The following PADI1 variants were observed in gnomAD, a reference collection of about 807,000 sequenced individuals.
The protein encoded by PADI1 is protein-arginine deiminase type-1.
In PADI1, 65 loss-of-function variants were observed where a neutral mutation model predicts 74.8. The ratio of observed to expected loss-of-function variants is 0.87; its 90% confidence interval spans 0.71 to 1.07. PADI1 has a LOEUF of 1.07. Among genes scored for constraint, PADI1 ranks in the 50% least tolerant of loss-of-function variants. The probability of loss-of-function intolerance (pLI) is 0.00; values close to 1 mark genes in which losing one functional copy is unlikely to be tolerated. For missense variants in PADI1, 943 were observed against 854.0 expected, an observed-to-expected ratio of 1.10 and a Z score of -1.30; for synonymous variants, 371 against 336.2, an observed-to-expected ratio of 1.10 and a Z score of -1.13.
chr1:17,223,877 T>C (rs1463205089), intron 3 of PADI1, among the ~76,000 whole-genome samples, 184 bp downstream of exon 3: 1 of 152,146 alleles, frequency 6.6e-6, no homozygotes, highest in Non-Finnish European at 1.5e-5. Context: ...CAGCAGTCCT[T>C]AGGACCACAA....
intron 1 of PADI1, among the ~76,000 whole-genome samples, chr1:17,214,185 G>A (rs958391953): frequency 6.6e-5 from 10 of 152,228 alleles, no homozygotes; most frequent in Admixed American, 4.6e-4. Flanking sequence ...AGTCTAGGAA[G>A]TAGCTCTTGG....
At chr1:17,237,279 A>T in intron 11 of PADI1, 35 bp from the exon 12 acceptor site, 5 of 1,575,312 alleles carry the variant, frequency 3.2e-6, no homozygotes, top group Non-Finnish European at 4.3e-6. Flanking sequence ...CCTCTCAGGC[A>T]CAAGGTGACT....
At position 17,230,570 on chromosome 1, in the gene PADI1, A is replaced by G. The variant is rs747227898; in HGVS notation, c.1054-2A>G. 1.0e-5 allele frequency: 16 copies of G among 1,599,878 alleles called. No individual in the cohort carries two copies. ...GTGGCTTTTTCATCTCTCCCCTCCC[A>G]GGACGAGATGGAGTTTGGCTACATC... is the stretch of plus-strand genomic sequence containing the variant. On this transcript the variant is annotated splice_acceptor_variant, in intron 9 of 15. Coordinates refer to ENST00000375471, the MANE Select transcript of PADI1 (RefSeq NM_013358.3). LOFTEE classifies it high-confidence loss of function.
chr1:17,227,358 G>C (rs182071345), intron 6 of PADI1, among the ~76,000 whole-genome samples: 128 of 151,462 alleles, frequency 8.5e-4, no homozygotes, highest in Non-Finnish European at 1.4e-3. Flanking sequence ...GACCAGCCTG[G>C]GCAACATGGC....
At chr1:17,240,805 C>A in intron 15 of PADI1, 45 bp downstream of exon 15, 1 of 1,597,198 alleles carries the variant, frequency 6.3e-7, no homozygotes, top group South Asian at 1.1e-5. Flanking sequence ...CTGCGGGGCT[C>A]TGAGAAGAAG....
rs201632223 is a variant in PADI1, at chr1:17,238,651, C to T, written c.1494C>T (p.Cys498=). ...FRLLLASPSA[C]LKLFQEKKEE... ...TGCTCCTGGCTAGCCCCAGCGCTTG[C>T]CTCAAACTCTTCCAAGAGAAGAAAG... The change falls in exon 13 of 16, where the codon TGC becomes TGT. Residue 498 remains cysteine (C), a synonymous_variant. Coordinates refer to ENST00000375471, the MANE Select transcript of PADI1 (RefSeq NM_013358.3). The T allele has an allele frequency of 2.1e-4, 321 of 1,554,364 alleles. 2 individuals carry two copies. In the East Asian group the frequency reaches 4.6e-3, roughly 22 times the overall value.
intron 11 of PADI1, 44 bp from the exon 12 acceptor site, chr1:17,237,270 C>T: frequency 6.4e-7 from 1 of 1,559,710 alleles, no homozygotes; most frequent in Non-Finnish European, 8.7e-7. Context: ...GGCCTGATGC[C>T]TCTCAGGCAC....
chr1:17,216,290 G>A (rs1412960259), intron 1 of PADI1, among the ~76,000 whole-genome samples: 1 of 152,184 alleles, frequency 6.6e-6, no homozygotes, highest in South Asian at 2.1e-4. Context: ...CAGGTCACTG[G>A]CCTATGATAA....
At chr1:17,235,848 T>C (rs896633906) in intron 11 of PADI1, among the ~76,000 whole-genome samples, 1 of 152,112 alleles carries the variant, frequency 6.6e-6, no homozygotes, top group African/African-American at 2.4e-5. Context: ...CCAGGAACCT[T>C]CTCTCAAGGG....
chr1:17,226,363 A>T (rs2072311363), intron 6 of PADI1, among the ~76,000 whole-genome samples: 1 of 152,250 alleles, frequency 6.6e-6, no homozygotes, highest in Admixed American at 6.5e-5. Flanking sequence ...ACCGAGGCTC[A>T]GATGCAGGAA....
chr1:17,216,205 A>T (rs2071973904), intron 1 of PADI1, among the ~76,000 whole-genome samples: 1 of 152,184 alleles, frequency 6.6e-6, no homozygotes. Flanking sequence ...AGCAGGAGGG[A>T]TGCAACGGGA....
At chr1:17,207,670 C>A (rs115196536) in intron 1 of PADI1, among the ~76,000 whole-genome samples, 2,269 of 152,332 alleles carry the variant, frequency 0.015, 45 homozygotes, top group African/African-American at 0.048. Flanking sequence ...TCCTCAAATG[C>A]AGGCCCTGGC....
At chr1:17,236,148 C>T (rs561881494) in intron 11 of PADI1, among the ~76,000 whole-genome samples, 2 of 152,262 alleles carry the variant, frequency 1.3e-5, no homozygotes, top group Non-Finnish European at 2.9e-5. Context: ...TGGTTTCTGA[C>T]CTTAGCAATG....
intron 1 of PADI1, among the ~76,000 whole-genome samples, chr1:17,210,978 G>A (rs1325826384): frequency 3.9e-5 from 6 of 152,224 alleles, no homozygotes; most frequent in Admixed American, 2.6e-4. Context: ...ATGGCCACAT[G>A]TGAGGAGCTT....
At chr1:17,221,194 G>A (rs1036333975) in intron 1 of PADI1, among the ~76,000 whole-genome samples, 3 of 152,228 alleles carry the variant, frequency 2.0e-5, no homozygotes, top group African/African-American at 7.2e-5. Flanking sequence ...CCCCTGCAGA[G>A]TGGCAGAAAG....
chr1:17,222,389 C>T lies in PADI1; in HGVS notation c.192C>T (p.Gly64=). The change falls in exon 2 of 16, where the codon GGC becomes GGT. Residue 64 remains glycine, a synonymous_variant. Transcript: ENST00000375471. ...YNRTRVKEPI[G]KARWPLDTDA... is the part of the protein sequence containing the mutation. The stretch of plus-strand genomic sequence containing the variant: ...GCACACGTGTGAAAGAGCCCATAGG[C>T]AAGGCCCGTTGGCCGCTAGACACTG... 6.2e-7 allele frequency: 1 copy of T among 1,614,042 alleles called. No individual in the cohort carries two copies. The highest frequency in any genetic ancestry group is 8.5e-7 in the Non-Finnish European group (1 of 1,179,896).
chr1:17,225,831 T>G lies in PADI1; in HGVS notation c.429T>G (p.Pro143=). ...CACAGAAAACCTGGCGCTGGGGCCCTGAGGGCTATGGGGCTATCTTGCTGG... is the reference window on the plus strand; with the variant it reads ...CACAGAAAACCTGGCGCTGGGGCCCGGAGGGCTATGGGGCTATCTTGCTGG... The part of the protein sequence containing the change: ...QGDKKTWRWG[P]EGYGAILLVN... The change falls in exon 5 of 16, where the codon CCT becomes CCG. Residue 143 remains proline, a synonymous_variant. Coordinates refer to ENST00000375471, the MANE Select transcript of PADI1 (RefSeq NM_013358.3). 2 of 1,614,040 alleles carry G rather than the reference T, an allele frequency of 1.2e-6. No homozygotes were observed. The highest frequency in any genetic ancestry group is 1.7e-6 in the Non-Finnish European group (2 of 1,179,932).
chr1:17,236,160 A>G (rs1471918941), intron 11 of PADI1, among the ~76,000 whole-genome samples: 1 of 152,224 alleles, frequency 6.6e-6, no homozygotes, highest in African/African-American at 2.4e-5. Context: ...TTAGCAATGG[A>G]CAAACCAGAC....
intron 6 of PADI1, among the ~76,000 whole-genome samples, chr1:17,228,168 T>C (rs1488687669): frequency 1.3e-5 from 2 of 152,088 alleles, no homozygotes; most frequent in African/African-American, 4.8e-5. Flanking sequence ...TTTAAAAAAT[T>C]TTTTGTAGAG....
Sources: allele counts gnomAD v4.1 joint callset (sites outside exome capture counted in the v4.1 genomes callset), GRCh38; gene constraint gnomAD v4.1.1; transcripts MANE v1.5; gene names NCBI Gene and HGNC (gene_info 2026-07-23, HGNC 2026-07-21).